Variants in FHIT observed in about 807,000 individuals in gnomAD.
The protein encoded by FHIT is bis(5'-adenosyl)-triphosphatase.
FHIT carries 19 observed loss-of-function variants against 17.9 expected under a neutral mutation model. That is an observed-to-expected ratio of 1.06 (90% confidence interval 0.74 to 1.56). The LOEUF is 1.56. Among genes scored for constraint, FHIT ranks in the 40% most tolerant of loss-of-function variants. FHIT has a pLI of 0.00. For missense variants in FHIT, 248 were observed against 189.2 expected (o/e 1.31, Z -1.82); for synonymous variants, 81 against 69.7 (o/e 1.16, Z -0.81).
chr3:60,227,896 T>C (rs1704294728), intron 5 of FHIT, among the ~76,000 whole-genome samples: 1 of 152,208 alleles, frequency 6.6e-6, no homozygotes, highest in African/African-American at 2.4e-5. Flanking sequence ...CTTTTCTTGA[T>C]GGATTTTATC....
chr3:60,522,194 C>A (rs940632610), intron 5 of FHIT, among the ~76,000 whole-genome samples: 5 of 145,360 alleles, frequency 3.4e-5, no homozygotes, highest in African/African-American at 1.3e-4. Flanking sequence ...ACTGCAACTT[C>A]TGCCCCCCTG....
intron 5 of FHIT, among the ~76,000 whole-genome samples, chr3:60,422,674 A>C (rs550276498): frequency 1.7e-4 from 26 of 152,192 alleles, no homozygotes; most frequent in African/African-American, 5.8e-4. Context: ...TTCATTTCGT[A>C]ATGGAGAAAA....
intron 3 of FHIT, among the ~76,000 whole-genome samples, chr3:60,959,213 T>C (rs1553779805): frequency 3.3e-5 from 5 of 152,212 alleles, no homozygotes; most frequent in Non-Finnish European, 2.9e-5. Flanking sequence ...TCTGGCTCTG[T>C]CAGCGGCTGT....
At chr3:59,903,255 G>C (rs1704417467) in intron 8 of FHIT, among the ~76,000 whole-genome samples, 1 of 152,178 alleles carries the variant, frequency 6.6e-6, no homozygotes, top group Non-Finnish European at 1.5e-5. Context: ...ACAGAAAGTA[G>C]ATTAGTAGTT....
chr3:59,756,007 G>A (rs961041194), intron 8 of FHIT, among the ~76,000 whole-genome samples: 1 of 152,098 alleles, frequency 6.6e-6, no homozygotes, highest in Non-Finnish European at 1.5e-5. Flanking sequence ...GAAAAAGAGT[G>A]GTGAGCAGTG....
intron 3 of FHIT, among the ~76,000 whole-genome samples, chr3:60,906,297 G>A (rs1036435249): frequency 7.2e-5 from 11 of 152,118 alleles, no homozygotes; most frequent in Non-Finnish European, 1.3e-4. Flanking sequence ...ATCTCACTGT[G>A]GAATAAAGGA....
At chr3:60,446,713 T>C (rs73098233) in intron 5 of FHIT, among the ~76,000 whole-genome samples, 1,525 of 151,918 alleles carry the variant, frequency 0.01, 10 homozygotes, top group Non-Finnish European at 0.017. Flanking sequence ...ATTAGCCAGG[T>C]ATGCTCATGC....
rs79341814 is a variant in FHIT, at chr3:60,745,807, T to A, written c.-18+76112A>T. Among the ~76,000 whole-genome samples, 510 of 152,184 alleles carry A rather than the reference T, an allele frequency of 3.4e-3. 3 individuals are homozygous for A. The highest frequency in any genetic ancestry group is 0.012 in the African/African-American group (484 of 41,520). On this transcript the variant is annotated intron_variant, in intron 4 of 9. Coordinates refer to ENST00000492590, the MANE Select transcript of FHIT (RefSeq NM_002012.4). ...TAATTCCTGATTCTGTGAAGCTGAG[T>A]AAAAACATTTAGAAAGACCAAACTA...
chr3:61,207,328 C>T (rs1200217257), intron 1 of FHIT, among the ~76,000 whole-genome samples: 1 of 152,120 alleles, frequency 6.6e-6, no homozygotes, highest in African/African-American at 2.4e-5. Context: ...ATGATGCTGG[C>T]CTCATAAAAT....
intron 5 of FHIT, among the ~76,000 whole-genome samples, chr3:60,375,348 C>T (rs1248733658): frequency 6.6e-6 from 1 of 150,886 alleles, no homozygotes; most frequent in Non-Finnish European, 1.5e-5. Context: ...GTGGGAGGAT[C>T]ACCTGAGTTC....
intron 5 of FHIT, among the ~76,000 whole-genome samples, chr3:60,153,586 G>C (rs1700560990): frequency 6.6e-6 from 1 of 152,110 alleles, no homozygotes; most frequent in Non-Finnish European, 1.5e-5. Flanking sequence ...CAATACCCAG[G>C]CACTGCTTTT....
At chr3:60,809,660 C>A (rs1292251657) in intron 4 of FHIT, among the ~76,000 whole-genome samples, 2 of 152,144 alleles carry the variant, frequency 1.3e-5, no homozygotes, top group African/African-American at 4.8e-5. Flanking sequence ...TGGGCCCTGA[C>A]CCCAAAGAAT....
chr3:61,072,467 GAA>G (rs1235187428), intron 2 of FHIT, among the ~76,000 whole-genome samples: 2 of 152,124 alleles, frequency 1.3e-5, no homozygotes, highest in Non-Finnish European at 2.9e-5. Flanking sequence ...TCACATTTAA[GAA>G]AACAAAGGAC....
At chr3:61,238,090 A>G (rs558706969) in intron 1 of FHIT, among the ~76,000 whole-genome samples, 5 of 152,190 alleles carry the variant, frequency 3.3e-5, no homozygotes, top group African/African-American at 1.2e-4. Context: ...AAACAGCACC[A>G]ACAATTGTCC....
intron 5 of FHIT, among the ~76,000 whole-genome samples, chr3:60,526,977 G>T (rs995196891): frequency 2.0e-5 from 3 of 152,180 alleles, no homozygotes; most frequent in African/African-American, 7.2e-5. Context: ...TCCCTTTGCG[G>T]TTTGGGGGCG....
intron 4 of FHIT, among the ~76,000 whole-genome samples, chr3:60,628,558 A>C (rs1015648236): frequency 1.3e-5 from 2 of 152,180 alleles, no homozygotes; most frequent in African/African-American, 4.8e-5. Flanking sequence ...TGACCCAATT[A>C]AATTCAAGGG....
intron 1 of FHIT, among the ~76,000 whole-genome samples, chr3:61,240,845 A>G (rs112353671): frequency 6.6e-6 from 1 of 152,204 alleles, no homozygotes; most frequent in African/African-American, 2.4e-5. Context: ...GTCCAGATCA[A>G]TTAAATTGGG....
chr3:61,142,086 G>A (rs528354279), intron 2 of FHIT, among the ~76,000 whole-genome samples: 1 of 151,012 alleles, frequency 6.6e-6, no homozygotes, highest in East Asian at 1.9e-4. Context: ...AATGGCTCAT[G>A]GAGATATTAT....
At chr3:60,660,726 G>GTTTTTTTTTTTTTTTTTTTTTTTTTTTT (rs2040220625) in intron 4 of FHIT, among the ~76,000 whole-genome samples, 1 of 14,790 alleles carries the variant, frequency 6.8e-5, no homozygotes, top group Non-Finnish European at 1.7e-4. Flanking sequence ...CTTTTATTGT[G>GTTTTTTTTTTTTTTTTTTTTTTTTTTTT]CTCTTTTTTT....
Sources: allele counts gnomAD v4.1 joint callset (sites outside exome capture counted in the v4.1 genomes callset), GRCh38; gene constraint gnomAD v4.1.1; transcripts MANE v1.5; gene names NCBI Gene and HGNC (gene_info 2026-07-23, HGNC 2026-07-21).